Variants in LAMA2 observed in about 807,000 individuals in gnomAD.
LAMA2 encodes the protein laminin subunit alpha 2.
A neutral mutation model predicts 364.8 loss-of-function variants in LAMA2; 269 were observed. The ratio of observed to expected loss-of-function variants is 0.74; its 90% CI spans 0.67 to 0.82. The LOEUF (loss-of-function observed/expected upper bound fraction) is 0.82. Ranked by LOEUF, LAMA2 falls within the 40% of genes least tolerant of loss-of-function variation. The pLI is 0.00. For synonymous variants in LAMA2, 1,379 were observed against 1,370.6 expected (o/e 1.01, Z -0.14); for missense variants, 3,807 against 3,873.2 (o/e 0.98, Z 0.45).
chr6:129,010,154 T>A (rs546730081), intron 1 of LAMA2, among the ~76,000 whole-genome samples: 1 of 152,306 alleles, frequency 6.6e-6, no homozygotes, highest in African/African-American at 2.4e-5. Flanking sequence ...AAAAATCTCT[T>A]CAGAGTCAAA....
chr6:129,275,648 G>A (rs1390179560), intron 17 of LAMA2, among the ~76,000 whole-genome samples: 1 of 150,812 alleles, frequency 6.6e-6, no homozygotes, highest in Non-Finnish European at 1.5e-5. Context: ...TGAGAAAACT[G>A]CAGATTTAAT....
intron 3 of LAMA2, among the ~76,000 whole-genome samples, chr6:129,078,146 CT>C (rs1773782103): frequency 7.9e-6 from 1 of 126,840 alleles, no homozygotes; most frequent in East Asian, 2.3e-4. Flanking sequence ...TTTTTTTTTT[CT>C]TTTTTGAGAC....
At chr6:129,084,572 G>T (rs1227593182) in intron 3 of LAMA2, among the ~76,000 whole-genome samples, 1 of 152,124 alleles carries the variant, frequency 6.6e-6, no homozygotes, top group Non-Finnish European at 1.5e-5. Context: ...ACTTCTATCA[G>T]TGATGATATT....
chr6:129,137,649 C>A (rs1397219204), intron 4 of LAMA2, among the ~76,000 whole-genome samples: 1 of 151,820 alleles, frequency 6.6e-6, no homozygotes, highest in Non-Finnish European at 1.5e-5. Context: ...AAAATATATA[C>A]AAATTTTAAG....
At chr6:129,196,448 A>G (rs529483008) in intron 12 of LAMA2, among the ~76,000 whole-genome samples, 15 of 152,208 alleles carry the variant, frequency 9.9e-5, no homozygotes, top group Non-Finnish European at 2.1e-4. Flanking sequence ...AACTCTAAGA[A>G]ATTGTTTTTT....
chr6:129,146,448 T>C (rs1282130114), intron 5 of LAMA2, among the ~76,000 whole-genome samples: 1 of 152,018 alleles, frequency 6.6e-6, no homozygotes, highest in African/African-American at 2.4e-5. Flanking sequence ...TTACAGTTAA[T>C]GACTTTTTAA....
chr6:128,965,294 C>T (rs745778333), intron 1 of LAMA2, among the ~76,000 whole-genome samples: 1 of 152,066 alleles, frequency 6.6e-6, no homozygotes, highest in South Asian at 2.1e-4. Context: ...ATATTTTGCT[C>T]TGTTTGACAT....
chr6:129,353,406 C>A, intron 32 of LAMA2, 49 bp downstream of exon 32: 2 of 1,463,000 alleles, frequency 1.4e-6, no homozygotes, highest in South Asian at 1.1e-5. Flanking sequence ...GATTCCAGTT[C>A]TGTCTCATTT....
rs546030306 is a variant in LAMA2 at position 129,144,244 on chromosome 6, C to CA, written c.819+165dup. 2.6e-5 allele frequency among the ~76,000 whole-genome samples: 4 copies of CA among 151,872 alleles called. No individual in the cohort carries two copies. The East Asian group carries it at 7.7e-4, about 29-fold the overall frequency. ...ATTATTATTATTATTTGAAATTTGA[C>CA]AGACTTTCCTTTGTTCAGATCCAAG... On this transcript the variant is annotated intron_variant, in intron 5 of 64. Coordinates refer to ENST00000421865, the MANE Select transcript of LAMA2 (RefSeq NM_000426.4).
At chr6:129,120,189 A>C (rs1453852509) in intron 4 of LAMA2, among the ~76,000 whole-genome samples, 1 of 152,226 alleles carries the variant, frequency 6.6e-6, no homozygotes. Context: ...AAAATATCAA[A>C]AGAAATTATT....
rs752334946 is a variant in LAMA2, at chr6:129,492,029, A to G, written c.8027A>G (p.Asn2676Ser). 6.2e-7 allele frequency: 1 copy of G among 1,614,154 alleles called. No homozygotes were observed. The highest frequency in any genetic ancestry group is 1.1e-5 in the South Asian group (1 of 91,080). Residue 2676 changes from asparagine (N) to serine (S), a missense_variant, in exon 57 of 65, where the codon AAT (asparagine) becomes AGT (serine). Asn to Ser is a conservative substitution (Grantham distance 46). Transcript: ENST00000421865. ...PPEFQPSPLRNIPPFEGCIWN... is the reference protein window; with the variant it reads ...PPEFQPSPLRSIPPFEGCIWN... ...GAATTTCAACCTTCCCCACTCAGAA[A>G]TATTCCTCCTTTTGAAGGCTGCATA...
At chr6:129,039,845 G>A (rs757200037) in intron 1 of LAMA2, among the ~76,000 whole-genome samples, 4 of 152,176 alleles carry the variant, frequency 2.6e-5, no homozygotes, top group Non-Finnish European at 5.9e-5. Flanking sequence ...AGCTCAGGTG[G>A]TAATGCTTGT....
chr6:128,977,683 A>G (rs1258005092), intron 1 of LAMA2, among the ~76,000 whole-genome samples: 4 of 152,178 alleles, frequency 2.6e-5, no homozygotes, highest in African/African-American at 7.2e-5. Flanking sequence ...TGTATACTTT[A>G]TATTTCACCT....
In LAMA2 at chr6:129,267,140, C is replaced by G; in HGVS notation, c.2243C>G (p.Thr748Ser). 1.9e-6 allele frequency: 3 copies of G among 1,613,284 alleles called. No individual in the cohort carries two copies. The highest frequency in any genetic ancestry group is 2.5e-6 in the Non-Finnish European group (3 of 1,179,390). ...CWPRHRRVNGTIFGGICEPCQ... is the reference protein window; with the variant it reads ...CWPRHRRVNGSIFGGICEPCQ... Reference sequence around the variant, plus strand: ...CCTAGGCACAGGCGAGTTAACGGCACTATTTTTGGTGGCATCTGTGAGCCA... The same window carrying G: ...CCTAGGCACAGGCGAGTTAACGGCAGTATTTTTGGTGGCATCTGTGAGCCA... Residue 748 changes from threonine (T) to serine (S), a missense_variant, in exon 16 of 65, where the codon ACT becomes AGT. By Grantham distance (58) the Thr-to-Ser change is moderately conservative (BLOSUM62 1). This residue lies in a region of LAMA2 where 3,333 missense variants were observed against 3,345.7 expected (regional missense o/e 1.00). Transcript: ENST00000421865.
rs1773281141 is a variant in LAMA2 at position 129,297,752 on chromosome 6, A to G, written c.2924A>G (p.Lys975Arg). The change falls in exon 21 of 65, where the codon AAG (lysine) becomes AGG (arginine). Residue 975 changes from lysine (K) to arginine (R), a missense_variant. By Grantham distance (26) the Lys-to-Arg change is conservative. This residue lies in a region of LAMA2 where 3,333 missense variants were observed against 3,345.7 expected (regional missense o/e 1.00). Transcript: ENST00000421865. ...TGCAACTGCAATTCTTTTGGGTCTA[A>G]GTCATTCGACTGTGAAGAGAGTGGA... is the stretch of plus-strand genomic sequence containing the variant. The part of the protein sequence containing the change: ...VPCNCNSFGS[K>R]SFDCEESGQC... 1.2e-6 allele frequency: 2 copies of G among 1,614,128 alleles called. No homozygotes were observed. Among genetic ancestry groups the G allele is most frequent in the East Asian group, 4.5e-5 (2 of 44,880 alleles).
chr6:129,341,800 A>G (rs1296049254), intron 29 of LAMA2, among the ~76,000 whole-genome samples: 2 of 152,256 alleles, frequency 1.3e-5, no homozygotes, highest in Non-Finnish European at 2.9e-5. Flanking sequence ...TGCAAGCATA[A>G]GAAAGAAGAT....
rs150736864 is a variant in LAMA2 at position 129,112,028 on chromosome 6, A to G, written c.639+13613A>G. On this transcript the variant is annotated intron_variant, in intron 4 of 64. Coordinates refer to ENST00000421865, the MANE Select transcript of LAMA2 (RefSeq NM_000426.4). ...ACTCTGTTACCCTTATATGTATTGTATAATCACATGTGTAGATGTTCATTG... is the reference window on the plus strand; with the variant it reads ...ACTCTGTTACCCTTATATGTATTGTGTAATCACATGTGTAGATGTTCATTG... Among the ~76,000 whole-genome samples, 19 of 152,100 alleles carry G rather than the reference A, an allele frequency of 1.2e-4. No homozygotes were observed. The East Asian group carries it at 3.5e-3, about 28-fold the overall frequency.
At chr6:129,408,191 G>C (rs140522415) in intron 40 of LAMA2, among the ~76,000 whole-genome samples, 3 of 152,122 alleles carry the variant, frequency 2.0e-5, no homozygotes, top group African/African-American at 4.8e-5. Flanking sequence ...TCTGGGACAC[G>C]TGAACACTGG....
At chr6:129,283,394 A>C (rs2114401306) in intron 18 of LAMA2, among the ~76,000 whole-genome samples, 1 of 152,248 alleles carries the variant, frequency 6.6e-6, no homozygotes, top group East Asian at 1.9e-4. Context: ...TAACCTCAGC[A>C]ACATGTCATA....
Sources: allele counts gnomAD v4.1 joint callset (sites outside exome capture counted in the v4.1 genomes callset), GRCh38; gene constraint gnomAD v4.1.1; regional missense constraint gnomAD v4.1.1; transcripts MANE v1.5; gene names NCBI Gene and HGNC (gene_info 2026-07-23, HGNC 2026-07-21).